The following RP1 variants were observed in gnomAD, a reference collection of about 807,000 sequenced individuals.
RP1 encodes the protein RP1 axonemal microtubule associated, also known as oxygen-regulated protein 1.
In RP1, 16 loss-of-function variants were observed where a neutral mutation model predicts 14.8. The ratio of observed to expected loss-of-function variants is 1.08; its 90% CI spans 0.73 to 1.65. The LOEUF is 1.65. Among genes scored for constraint, RP1 ranks in the 40% most tolerant of loss-of-function variants. The probability of loss-of-function intolerance (pLI) is 0.00; values close to 1 mark genes in which losing one functional copy is unlikely to be tolerated. For missense variants in RP1, 2,631 were observed against 2,535.0 expected (o/e 1.04, Z -0.81); for synonymous variants, 876 against 883.6 (o/e 0.99, Z 0.15).
intron 24 of RP1, among the ~76,000 whole-genome samples, chr8:54,784,611 A>T (rs1810273237): frequency 6.6e-6 from 1 of 152,110 alleles, no homozygotes; most frequent in Non-Finnish European, 1.5e-5. Flanking sequence ...ATTACTCTTG[A>T]TCCATTTTGA....
At chr8:54,764,104 G>A (rs570102865) in intron 22 of RP1, among the ~76,000 whole-genome samples, 2 of 152,170 alleles carry the variant, frequency 1.3e-5, no homozygotes, top group African/African-American at 4.8e-5. Context: ...ATTAATTGTT[G>A]AAAAAAAGAG....
intron 1 of RP1, among the ~76,000 whole-genome samples, chr8:54,604,957 C>A (rs1256186756): frequency 6.6e-6 from 1 of 152,098 alleles, no homozygotes; most frequent in Non-Finnish European, 1.5e-5. Flanking sequence ...TGCTAGTGGT[C>A]TATCAATTTT....
chr8:54,669,775 G>A (rs2129331726), intron 7 of RP1, among the ~76,000 whole-genome samples: 1 of 152,076 alleles, frequency 6.6e-6, no homozygotes, highest in South Asian at 2.1e-4. Flanking sequence ...ACTATCACAA[G>A]GACAGAAAAC....
chr8:54,755,448 A>C (rs1385536940), intron 20 of RP1, among the ~76,000 whole-genome samples: 4 of 152,222 alleles, frequency 2.6e-5, no homozygotes, highest in Admixed American at 1.3e-4. Flanking sequence ...GATTAAAAAT[A>C]ATTAAAGCTC....
chr8:54,715,344 C>T (rs779688315), intron 15 of RP1, among the ~76,000 whole-genome samples: 5 of 152,122 alleles, frequency 3.3e-5, no homozygotes, highest in Non-Finnish European at 5.9e-5. Flanking sequence ...TCTCTTTAAT[C>T]AGTTTGTATT....
At chr8:54,655,740 G>A (rs973877660) in intron 5 of RP1, among the ~76,000 whole-genome samples, 2 of 152,152 alleles carry the variant, frequency 1.3e-5, no homozygotes, top group African/African-American at 4.8e-5. Flanking sequence ...AAATTTATCT[G>A]GGTGCAGTGG....
intron 22 of RP1, among the ~76,000 whole-genome samples, chr8:54,767,220 T>TA (rs1809781550): frequency 6.6e-6 from 1 of 152,144 alleles, no homozygotes; most frequent in Non-Finnish European, 1.5e-5. Flanking sequence ...ATAGGTAAGG[T>TA]TATTATCCAT....
chr8:54,705,819 C>CTTT (rs71554175), intron 14 of RP1, among the ~76,000 whole-genome samples: 7 of 141,306 alleles, frequency 5.0e-5, no homozygotes, highest in Non-Finnish European at 3.1e-5. Context: ...CCAATTTTAG[C>CTTT]TTTTTTTTTT....
intron 1 of RP1, among the ~76,000 whole-genome samples, chr8:54,609,710 C>A (rs78136406): frequency 1.3e-5 from 2 of 152,138 alleles, no homozygotes; most frequent in Non-Finnish European, 2.9e-5. Flanking sequence ...CATCCCAGGT[C>A]GCTGAGATGG....
intron 24 of RP1, among the ~76,000 whole-genome samples, chr8:54,818,628 C>T (rs1811188192): frequency 6.6e-6 from 1 of 152,158 alleles, no homozygotes; most frequent in Non-Finnish European, 1.5e-5. Context: ...TAAGGAATGG[C>T]AGGAAGGGGT....
intron 1 of RP1, among the ~76,000 whole-genome samples, chr8:54,607,101 T>C (rs1377806817): frequency 6.6e-6 from 1 of 152,170 alleles, no homozygotes; most frequent in Non-Finnish European, 1.5e-5. Context: ...CTGTGTTCCT[T>C]TGGAGGAGGA....
chr8:54,808,004 A>G (rs983767771), intron 24 of RP1, among the ~76,000 whole-genome samples: 3 of 152,182 alleles, frequency 2.0e-5, no homozygotes, highest in Non-Finnish European at 4.4e-5. Flanking sequence ...CCTTCTCAGG[A>G]ACACTTAGAA....
At chr8:54,638,226 T>C (rs1328792532) in intron 3 of RP1, among the ~76,000 whole-genome samples, 1 of 152,136 alleles carries the variant, frequency 6.6e-6, no homozygotes, top group Non-Finnish European at 1.5e-5. Flanking sequence ...TTGCCTGAGC[T>C]TGTGAGTTCG....
chr8:54,755,228 C>T (rs907015264), intron 20 of RP1, among the ~76,000 whole-genome samples: 1 of 152,118 alleles, frequency 6.6e-6, no homozygotes, highest in African/African-American at 2.4e-5. Flanking sequence ...GGCCAGCTTA[C>T]CTCCTCGCTT....
chr8:54,614,750 C>T (rs958517326), upstream of RP1, among the ~76,000 whole-genome samples: 3 of 152,100 alleles, frequency 2.0e-5, no homozygotes, highest in Admixed American at 1.3e-4. Flanking sequence ...CCAAAAGAAA[C>T]CTTTTTTGGT....
intron 14 of RP1, among the ~76,000 whole-genome samples, chr8:54,705,819 C>CTT (rs71554175): frequency 1.4e-3 from 202 of 141,312 alleles, no homozygotes; most frequent in East Asian, 2.3e-3. Flanking sequence ...CCAATTTTAG[C>CTT]TTTTTTTTTT....
At chr8:54,701,522 T>C (rs182914847) in exon 14 of RP1, 74 of 1,535,324 alleles carry the variant, frequency 4.8e-5, no homozygotes, top group Admixed American at 9.8e-5. Context: ...GCGGGTGCTT[T>C]ATCAGCCTAA....
chr8:54,687,261 T>C (rs557513149), intron 12 of RP1, among the ~76,000 whole-genome samples: 1 of 152,290 alleles, frequency 6.6e-6, no homozygotes, highest in South Asian at 2.1e-4. Flanking sequence ...TTTTCTGCCC[T>C]AGTAGTCACA....
chr8:54,803,375 C>A (rs1432606396), intron 24 of RP1, among the ~76,000 whole-genome samples: 1 of 152,118 alleles, frequency 6.6e-6, no homozygotes, highest in Non-Finnish European at 1.5e-5. Flanking sequence ...TGAACACTAC[C>A]TTGTAACACC....
Sources: allele counts gnomAD v4.1 joint callset (sites outside exome capture counted in the v4.1 genomes callset), GRCh38; gene constraint gnomAD v4.1.1; transcripts MANE v1.5; gene names NCBI Gene and HGNC (gene_info 2026-07-23, HGNC 2026-07-21).